The following MAST1 variants were observed in gnomAD, a reference collection of about 807,000 sequenced individuals.
The protein encoded by MAST1 is microtubule associated serine/threonine kinase 1.
In MAST1, 40 loss-of-function variants were observed where a neutral mutation model predicts 124.6. That is an observed-to-expected ratio of 0.32 (90% CI 0.25 to 0.42). The LOEUF (loss-of-function observed/expected upper bound fraction) is 0.42, where lower values mean the gene tolerates loss of function less well. Among genes scored for constraint, MAST1 ranks in the 10% least tolerant of loss-of-function variants. The pLI is 1.00. For missense variants in MAST1, 1,558 were observed against 2,181.9 expected (o/e 0.71, Z 5.70); for synonymous variants, 938 against 939.4 (o/e 1.00, Z 0.03).
At position 12,865,736 on chromosome 19, in the gene MAST1, G is replaced by C; in HGVS notation, c.1824G>C (p.Glu608Asp). The C allele has an allele frequency of 6.2e-7, 1 of 1,612,786 alleles. No individual in the cohort carries two copies. Among genetic ancestry groups the C allele is most frequent in the Non-Finnish European group, 8.5e-7 (1 of 1,179,402 alleles). The change falls in exon 16 of 26, where the codon GAG (glutamate) becomes GAC (aspartate). Residue 608 changes from glutamate to aspartate, a missense_variant. By Grantham distance (45) the Glu-to-Asp change is conservative. This residue lies in a region of MAST1 where 145 missense variants were observed against 350.0 expected (regional missense o/e 0.41). Coordinates refer to ENST00000251472, the MANE Select transcript of MAST1 (RefSeq NM_014975.3). The surrounding 1 kb of genome is among the most constrained non-coding windows in gnomAD (Gnocchi z 7.1). ...TTGCAGATGACATCCTGTGGCCCGA[G>C]GGGGATGAGGCCCTACCTACGGAGG... Reference protein sequence around the residue: ...QVISDDILWPEGDEALPTEAQ... With the variant: ...QVISDDILWPDGDEALPTEAQ...
Position 12,843,440 on chromosome 19 carries a change from T to C in MAST1, c.249-89T>C. ...AGATATATTCCCCCAACCCCCACCC[T>C]GGCCCTGGCCAGTGGCTTCACCCAC... On this transcript the variant is annotated intron_variant, in intron 3 of 25. Transcript: ENST00000251472. This position sits in a 1 kb window ranked among gnomAD's most constrained non-coding sequence, Gnocchi z 4.9. The C allele has an allele frequency of 2.1e-6, 2 of 959,858 alleles. No individual in the cohort carries two copies. The highest frequency in any genetic ancestry group is 3.3e-6 in the Non-Finnish European group (2 of 611,194). 59.5% of individuals were successfully genotyped at this position (959,858 alleles called of 1,614,324 possible).
intron 18 of MAST1, among the ~76,000 whole-genome samples, chr19:12,867,211 G>C (rs1970165979): frequency 6.6e-6 from 1 of 152,218 alleles, no homozygotes; most frequent in Admixed American, 6.5e-5. Flanking sequence ...TAAATTAAGG[G>C]GGTTGCTGGG....
At chr19:12,867,314 T>C (rs562387920) in intron 18 of MAST1, among the ~76,000 whole-genome samples, 160 bp from the exon 19 acceptor site, 18 of 152,174 alleles carry the variant, frequency 1.2e-4, no homozygotes, top group African/African-American at 3.4e-4. Context: ...GTGTGGGGCC[T>C]GAACTGAAGA....
chr19:12,871,476 G>A (rs1172108968), intron 24 of MAST1, among the ~76,000 whole-genome samples: 2 of 152,038 alleles, frequency 1.3e-5, no homozygotes, highest in Non-Finnish European at 1.5e-5. Context: ...GCATGGTGGC[G>A]CTCGCCTGCA....
At chr19:12,852,269 G>C in intron 9 of MAST1, 22 bp downstream of exon 9, 1 of 1,614,020 alleles carries the variant, frequency 6.2e-7, no homozygotes. Flanking sequence ...TGGGCGCAGG[G>C]GGACTGGGGG....
At chr19:12,851,660 G>C (rs1205443576) in intron 7 of MAST1, among the ~76,000 whole-genome samples, 2 of 151,864 alleles carry the variant, frequency 1.3e-5, no homozygotes, top group Non-Finnish European at 2.9e-5. Context: ...CTCATTTTGC[G>C]TTTTTAGTGG....
Position 12,873,968 on chromosome 19 carries a change from G to A in MAST1, c.3811G>A (p.Gly1271Arg). ...GCGCGTGCAGTCGGCCGAGAAGCTG[G>A]GAGCCTCTTTGAGTGCGGACAAGAA... is the stretch of plus-strand genomic sequence containing the variant. ...LKRVQSAEKL[G>R]ASLSADKKGA... The change falls in exon 26 of 26, where the codon GGA (glycine) becomes AGA (arginine). Residue 1271 changes from glycine to arginine, a missense_variant. By Grantham distance (125) the Gly-to-Arg change is moderately radical. This residue lies in a region of MAST1 where 263 missense variants were observed against 310.9 expected (regional missense o/e 0.85). Coordinates refer to ENST00000251472, the MANE Select transcript of MAST1 (RefSeq NM_014975.3). 6.3e-7 allele frequency: 1 copy of A among 1,599,810 alleles called. No homozygotes were observed. The highest frequency in any genetic ancestry group is 8.5e-7 in the Non-Finnish European group (1 of 1,178,512).
chr19:12,848,025 T>A lies in MAST1; in HGVS notation c.742T>A (p.Leu248Met), dbSNP rs766161207. Residue 248 changes from leucine (L) to methionine (M), a missense_variant, in exon 7 of 26, where the codon TTG becomes ATG. Around this residue, in one of 10 missense-constraint regions of MAST1, gnomAD observed 165 missense variants for 315.3 expected, o/e 0.52. Coordinates refer to ENST00000251472, the MANE Select transcript of MAST1 (RefSeq NM_014975.3). The part of the protein sequence containing the change: ...GLITTVYFYE[L>M]QENLEKLLQD... Reference sequence around the variant, plus strand: ...CATCACCACGGTCTACTTCTATGAATTGCAGGAGAACCTGGAGAAGCTCCT... The same window carrying A: ...CATCACCACGGTCTACTTCTATGAAATGCAGGAGAACCTGGAGAAGCTCCT... The A allele has an allele frequency of 6.2e-7, 1 of 1,614,110 alleles. No individual in the cohort carries two copies. The highest frequency in any genetic ancestry group is 8.5e-7 in the Non-Finnish European group (1 of 1,179,996).
rs1432890871 is a variant in MAST1, at chr19:12,869,078, G to A, written c.2786G>A (p.Gly929Glu). 6.2e-7 allele frequency: 1 copy of A among 1,614,138 alleles called. No homozygotes were observed. Among genetic ancestry groups the A allele is most frequent in the Admixed American group, 1.7e-5 (1 of 60,018 alleles). Reference sequence around the variant, plus strand: ...TGTGTGTCTGTAGTGGACCCACATGGAAGTTCACCCCTTGCTAGTCCCATG... The same window carrying A: ...TGTGTGTCTGTAGTGGACCCACATGAAAGTTCACCCCTTGCTAGTCCCATG... ...SVMIPAVDPH[G>E]SSPLASPMSP... is the part of the protein sequence containing the mutation. Residue 929 changes from glycine to glutamate, a missense_variant, in exon 22 of 26, where the codon GGA (glycine) becomes GAA (glutamate). Transcript: ENST00000251472.
At chr19:12,842,295 T>C (rs1208580067) in intron 3 of MAST1, among the ~76,000 whole-genome samples, 1 of 151,846 alleles carries the variant, frequency 6.6e-6, no homozygotes, top group African/African-American at 2.4e-5. Context: ...TCTCTCTCTT[T>C]TTTTTTTCTT....
chr19:12,869,586 C>T (rs773583198), intron 22 of MAST1, among the ~76,000 whole-genome samples: 3 of 152,000 alleles, frequency 2.0e-5, no homozygotes, highest in Non-Finnish European at 2.9e-5. Flanking sequence ...GACAGGCGCG[C>T]GCCACCACGC....
At chr19:12,840,303 C>T in intron 1 of MAST1, 143 bp from the exon 2 acceptor site, 1 of 631,718 alleles carries the variant, frequency 1.6e-6, no homozygotes, top group African/African-American at 1.8e-5. Context: ...CACCACCTTT[C>T]TTCGAGAAAC....
chr19:12,868,778 G>A lies in MAST1; in HGVS notation c.2702G>A (p.Arg901Lys), dbSNP rs1970196060. ...TCAGGGGATGTGGCAGTAGAGAAGA[G>A]GCCTTCTCGAACTGGGGGCAAAGTC... ...QMSGDVAVEK[R>K]PSRTGGKVIK... Residue 901 changes from arginine (R) to lysine (K), a missense_variant, in exon 21 of 26, where the codon AGG becomes AAG. Transcript: ENST00000251472. 6.2e-7 allele frequency: 1 copy of A among 1,610,316 alleles called. No homozygotes were observed. The highest frequency in any genetic ancestry group is 2.2e-5 in the East Asian group (1 of 44,810).
At chr19:12,872,136 C>T (rs1181050396) in intron 24 of MAST1, among the ~76,000 whole-genome samples, 1 of 152,000 alleles carries the variant, frequency 6.6e-6, no homozygotes, top group Non-Finnish European at 1.5e-5. Flanking sequence ...CTGGGAAAGG[C>T]TAGAATAAGA....
chr19:12,858,875 C>T, intron 12 of MAST1, 136 bp downstream of exon 12: 1 of 798,636 alleles, frequency 1.3e-6, no homozygotes, highest in Non-Finnish European at 2.1e-6. Context: ...TTTCTCCAGT[C>T]ATTGATTTGT....
At chr19:12,850,281 G>A (rs900406727) in intron 7 of MAST1, among the ~76,000 whole-genome samples, 1 of 152,182 alleles carries the variant, frequency 6.6e-6, no homozygotes, top group African/African-American at 2.4e-5. Context: ...ACTTTGGGGA[G>A]CTGAGACAGG....
chr19:12,840,907 A>G (rs1969818433), intron 2 of MAST1, 84 bp from the exon 3 acceptor site: 2 of 782,280 alleles, frequency 2.6e-6, no homozygotes, highest in Non-Finnish European at 4.8e-6. Flanking sequence ...GCGGGACTAG[A>G]CTAAAGACAG....
At position 12,838,753 on chromosome 19, in the gene MAST1, T is replaced by G. The variant is rs999216934; in HGVS notation, c.83+98T>G. 2 of 1,095,274 alleles carry G rather than the reference T, an allele frequency of 1.8e-6. No individual in the cohort carries two copies. The highest frequency in any genetic ancestry group is 2.5e-6 in the Non-Finnish European group (2 of 786,264). 67.8% of individuals were successfully genotyped at this position (1,095,274 alleles called of 1,614,324 possible). ...GCGGGGCCCGGGATGCTGCGCCCGG[T>G]CCAGCTGCGCCAGAGGTGCCCCAGC... On this transcript the variant is annotated intron_variant, in intron 1 of 25. Transcript: ENST00000251472. This position sits in a 1 kb window ranked among gnomAD's most constrained non-coding sequence, Gnocchi z 4.3.
Position 12,869,175 on chromosome 19 carries a change from C to CA in MAST1, c.2884dup (p.Ser962LysfsTer29). 1 of 1,614,222 alleles carries CA rather than the reference C, an allele frequency of 6.2e-7. No homozygotes were observed. The highest frequency in any genetic ancestry group is 8.5e-7 in the Non-Finnish European group (1 of 1,180,050). Reference sequence around the variant, plus strand: ...CCAGCCGGGACTACTCACCAGCTGTCAGTGGGCTCCGCTCCCCCATCACCA... The same window carrying CA: ...CCAGCCGGGACTACTCACCAGCTGTCAAGTGGGCTCCGCTCCCCCATCACCA... On this transcript the variant is annotated frameshift_variant, in exon 22 of 26. Transcript: ENST00000251472. LOFTEE classifies it high-confidence loss of function.
Sources: allele counts gnomAD v4.1 joint callset (sites outside exome capture counted in the v4.1 genomes callset), GRCh38; gene constraint gnomAD v4.1.1; regional missense constraint gnomAD v4.1.1; non-coding constraint Gnocchi (gnomAD v3.1); transcripts MANE v1.5; gene names NCBI Gene and HGNC (gene_info 2026-07-23, HGNC 2026-07-21).